ANGPT1: variants seen among roughly 807,000 people sequenced by gnomAD.
ANGPT1 encodes the protein angiopoietin-1.
A neutral mutation model predicts 62.2 loss-of-function variants in ANGPT1; 17 were observed. The observed-to-expected ratio is 0.27, with a 90% CI of 0.19 to 0.41. ANGPT1 has a LOEUF of 0.41. ANGPT1 is among the 10% of genes least tolerant of loss of function. The probability of loss-of-function intolerance (pLI) is 1.00; values close to 1 mark genes in which losing one functional copy is unlikely to be tolerated. For missense variants in ANGPT1, 478 were observed against 594.9 expected (o/e 0.80, Z 2.04); for synonymous variants, 199 against 198.9 (o/e 1.00, Z 0.00).
chr8:107,484,184 A>C (rs1812756687), intron 1 of ANGPT1, among the ~76,000 whole-genome samples: 1 of 152,226 alleles, frequency 6.6e-6, no homozygotes. Context: ...AAGAGTGAAG[A>C]GCTTCAGATT....
At chr8:107,296,469 A>G (rs948696520) in intron 5 of ANGPT1, among the ~76,000 whole-genome samples, 3 of 152,152 alleles carry the variant, frequency 2.0e-5, no homozygotes, top group African/African-American at 4.8e-5. Context: ...AAGATAAAAA[A>G]TGATTAAGAA....
rs74546373 is a variant in ANGPT1 at position 107,485,979 on chromosome 8, C to A, written c.297+11283G>T. ...TAGGGACTGCAGACGTGGGATTCTG[C>A]GGTCTGTTAACAGGCCTGTGGGAGG... is the stretch of plus-strand genomic sequence containing the variant. On this transcript the variant is annotated intron_variant, in intron 1 of 8. Coordinates refer to ENST00000517746, the MANE Select transcript of ANGPT1 (RefSeq NM_001146.5). Among the ~76,000 whole-genome samples the A allele has an allele frequency of 5.5e-3, 834 of 152,246 alleles. 6 individuals carry two copies. The highest frequency in any genetic ancestry group is 0.019 in the African/African-American group (785 of 41,546).
intron 8 of ANGPT1, among the ~76,000 whole-genome samples, chr8:107,263,061 T>G (rs1304205341): frequency 6.6e-6 from 1 of 152,052 alleles, no homozygotes; most frequent in Admixed American, 6.6e-5. Context: ...GTAACAGAAG[T>G]TAGATATAGC....
At chr8:107,478,778 ACATACAT>A (rs1812601075) in intron 1 of ANGPT1, among the ~76,000 whole-genome samples, 1 of 152,144 alleles carries the variant, frequency 6.6e-6, no homozygotes, top group Admixed American at 6.5e-5. Context: ...CAGTGCTATT[ACATACAT>A]ACAGCTTTTA....
At chr8:107,390,335 G>T (rs1209422241) in intron 1 of ANGPT1, among the ~76,000 whole-genome samples, 1 of 152,158 alleles carries the variant, frequency 6.6e-6, no homozygotes, top group Admixed American at 6.6e-5. Flanking sequence ...ACTTGTTTAT[G>T]ATTGGAAAGC....
chr8:107,331,938 C>T (rs1327566155), intron 3 of ANGPT1, among the ~76,000 whole-genome samples: 1 of 152,104 alleles, frequency 6.6e-6, no homozygotes, highest in African/African-American at 2.4e-5. Context: ...CAGAAGGGCT[C>T]CTTCTGGAAT....
At chr8:107,312,089 G>C (rs572783754) in intron 4 of ANGPT1, among the ~76,000 whole-genome samples, 49 of 151,828 alleles carry the variant, frequency 3.2e-4, no homozygotes, top group African/African-American at 1.2e-3. Flanking sequence ...AAAAGAATGG[G>C]GAAAAATACT....
intron 4 of ANGPT1, among the ~76,000 whole-genome samples, chr8:107,321,306 A>G (rs554681114): frequency 6.6e-6 from 1 of 152,246 alleles, no homozygotes; most frequent in East Asian, 1.9e-4. Flanking sequence ...CCCCAGAATT[A>G]ATGAACTTAA....
At chr8:107,328,188 C>T (rs1360797116) in intron 3 of ANGPT1, among the ~76,000 whole-genome samples, 1 of 152,014 alleles carries the variant, frequency 6.6e-6, no homozygotes, top group Non-Finnish European at 1.5e-5. Context: ...CCACTATTTT[C>T]AACATGTATG....
intron 1 of ANGPT1, among the ~76,000 whole-genome samples, chr8:107,373,180 T>C (rs1027595624): frequency 5.9e-5 from 9 of 152,154 alleles, no homozygotes; most frequent in Non-Finnish European, 1.3e-4. Flanking sequence ...GTGTAAATCC[T>C]TCTCCATTTC....
chr8:107,283,776 C>T (rs921858544), intron 7 of ANGPT1, among the ~76,000 whole-genome samples: 3 of 152,164 alleles, frequency 2.0e-5, no homozygotes, highest in African/African-American at 4.8e-5. Flanking sequence ...CTGAGGCACA[C>T]ACAATTAAAG....
intron 1 of ANGPT1, among the ~76,000 whole-genome samples, chr8:107,365,652 G>A (rs1166003951): frequency 6.6e-6 from 1 of 152,124 alleles, no homozygotes; most frequent in Non-Finnish European, 1.5e-5. Context: ...TAAACAGGAA[G>A]AGGCTCTCCA....
chr8:107,421,452 G>C (rs763114525), intron 1 of ANGPT1, among the ~76,000 whole-genome samples: 2 of 152,164 alleles, frequency 1.3e-5, no homozygotes, highest in Non-Finnish European at 2.9e-5. Flanking sequence ...GAAAAAGACA[G>C]TAAAGTCTCA....
chr8:107,370,380 G>A (rs866603874), intron 1 of ANGPT1, among the ~76,000 whole-genome samples: 43 of 52,900 alleles, frequency 8.1e-4, no homozygotes, highest in Non-Finnish European at 1.1e-3. Context: ...AAGAAAGAAA[G>A]AAAGAAAGAA....
chr8:107,285,314 T>A (rs766823349), intron 6 of ANGPT1, among the ~76,000 whole-genome samples: 1 of 152,174 alleles, frequency 6.6e-6, no homozygotes, highest in Non-Finnish European at 1.5e-5. Flanking sequence ...CAACAATAAC[T>A]TCATATTTAG....
chr8:107,388,207 A>G lies in ANGPT1; in HGVS notation c.298-41110T>C, dbSNP rs924625496. 2.0e-5 allele frequency among the ~76,000 whole-genome samples: 3 copies of G among 152,206 alleles called. No individual in the cohort carries two copies. The East Asian group carries it at 5.8e-4, about 29-fold the overall frequency. ...AAGTTCCTGAAACAAAATATTATAC[A>G]GTATATCTGAGACCGGGCAACATAG... On this transcript the variant is annotated intron_variant, in intron 1 of 8. Coordinates refer to ENST00000517746, the MANE Select transcript of ANGPT1 (RefSeq NM_001146.5).
chr8:107,348,796 T>C (rs1389578081), intron 1 of ANGPT1, among the ~76,000 whole-genome samples: 1 of 152,184 alleles, frequency 6.6e-6, no homozygotes, highest in African/African-American at 2.4e-5. Flanking sequence ...TGGGAAGTTA[T>C]CGTTTTGCCC....
At chr8:107,400,488 A>C (rs1817023322) in intron 1 of ANGPT1, among the ~76,000 whole-genome samples, 1 of 152,176 alleles carries the variant, frequency 6.6e-6, no homozygotes, top group Admixed American at 6.6e-5. Flanking sequence ...AACTAGGAAA[A>C]ACAGGAGGAG....
chr8:107,447,963 A>C (rs543122415), intron 1 of ANGPT1, among the ~76,000 whole-genome samples: 33 of 152,350 alleles, frequency 2.2e-4, no homozygotes, highest in African/African-American at 7.5e-4. Context: ...CTTTGGACTT[A>C]GGCAGAAGCT....
Sources: allele counts gnomAD v4.1 joint callset (sites outside exome capture counted in the v4.1 genomes callset), GRCh38; gene constraint gnomAD v4.1.1; transcripts MANE v1.5; gene names NCBI Gene and HGNC (gene_info 2026-07-23, HGNC 2026-07-21).